HIVEP1: variants seen among roughly 807,000 people sequenced by gnomAD.
HIVEP1 encodes the protein zinc finger protein 40.
In HIVEP1, 36 loss-of-function variants were observed where a neutral mutation model predicts 180.0. The observed-to-expected ratio is 0.20, with a 90% CI of 0.15 to 0.26. The LOEUF (loss-of-function observed/expected upper bound fraction) is 0.26, where lower values mean the gene tolerates loss of function less well. Ranked by LOEUF, HIVEP1 falls within the 10% of genes least tolerant of loss-of-function variation. HIVEP1 has a pLI of 1.00. For synonymous variants in HIVEP1, 1,239 were observed against 1,239.0 expected (o/e 1.00, Z 0.00); for missense variants, 3,143 against 3,268.7 (o/e 0.96, Z 0.94).
At chr6:12,074,024 G>C (rs998263509) in intron 2 of HIVEP1, among the ~76,000 whole-genome samples, 2 of 152,222 alleles carry the variant, frequency 1.3e-5, no homozygotes, top group African/African-American at 2.4e-5. Context: ...CATGAGAGCT[G>C]TACATCACTG....
intron 7 of HIVEP1, among the ~76,000 whole-genome samples, chr6:12,157,919 T>G (rs570232083): frequency 6.6e-6 from 1 of 152,328 alleles, no homozygotes; most frequent in South Asian, 2.1e-4. Flanking sequence ...TTAACAGTTT[T>G]CTTGATATTG....
intron 7 of HIVEP1, among the ~76,000 whole-genome samples, chr6:12,145,354 C>G (rs747794632): frequency 2.6e-5 from 4 of 151,780 alleles, no homozygotes; most frequent in Non-Finnish European, 5.9e-5. Flanking sequence ...AACATCACAC[C>G]CTGGGGCCTG....
chr6:12,127,618 T>A (rs2113551548), intron 4 of HIVEP1, among the ~76,000 whole-genome samples: 1 of 152,160 alleles, frequency 6.6e-6, no homozygotes, highest in Admixed American at 6.5e-5. Context: ...AGTGCATAGG[T>A]GTGATTAATG....
intron 2 of HIVEP1, among the ~76,000 whole-genome samples, chr6:12,054,722 CTTT>C (rs1770752300): frequency 6.6e-6 from 1 of 152,238 alleles, no homozygotes; most frequent in East Asian, 1.9e-4. Flanking sequence ...CGTGGAACCT[CTTT>C]TTTCACTTTT....
chr6:12,077,230 T>C (rs1037989040), intron 2 of HIVEP1, among the ~76,000 whole-genome samples: 1 of 152,168 alleles, frequency 6.6e-6, no homozygotes, highest in African/African-American at 2.4e-5. Flanking sequence ...TTAGTAATAA[T>C]GTGTCATATC....
the HIVEP1 span, among the ~76,000 whole-genome samples, chr6:12,177,130 AAAG>A: frequency 6.6e-6 from 1 of 152,208 alleles, no homozygotes; most frequent in Non-Finnish European, 1.5e-5. Flanking sequence ...TCATGGACAC[AAAG>A]AAGAGAACAG....
At chr6:12,211,105 A>G in the HIVEP1 span, among the ~76,000 whole-genome samples, 1 of 151,620 alleles carries the variant, frequency 6.6e-6, no homozygotes, top group Admixed American at 6.6e-5. Context: ...TCTCTCTTAT[A>G]AGAGTACTTT....
Position 12,161,614 on chromosome 6 carries a change from C to G in HIVEP1, c.6663C>G (p.Ser2221Arg). Residue 2221 changes from serine to arginine, a missense_variant, in exon 8 of 9, where the codon AGC becomes AGG. This residue lies in a region of HIVEP1 where 126 missense variants were observed against 168.5 expected (regional missense o/e 0.75). Transcript: ENST00000379388. ...CGCAGCACCTTCCATCTAGAAGTAG[C>G]CTTCAGGACCCTGTGAGTACTGACG... ...ASPQHLPSRSSLQDPVSTDED... is the reference protein window; with the variant it reads ...ASPQHLPSRSRLQDPVSTDED... 2 of 1,614,088 alleles carry G rather than the reference C, an allele frequency of 1.2e-6. No homozygotes were observed. The highest frequency in any genetic ancestry group is 1.3e-5 in the African/African-American group (1 of 75,032).
At chr6:12,054,205 C>T (rs1426930871) in intron 2 of HIVEP1, among the ~76,000 whole-genome samples, 1 of 152,164 alleles carries the variant, frequency 6.6e-6, no homozygotes, top group Non-Finnish European at 1.5e-5. Context: ...GATGACTCTG[C>T]AAATAATTGG....
At chr6:12,028,113 C>T (rs976821761) in intron 2 of HIVEP1, among the ~76,000 whole-genome samples, 50 of 152,138 alleles carry the variant, frequency 3.3e-4, no homozygotes, top group Admixed American at 2.8e-3. Context: ...GGTGTTAGCA[C>T]GTGGCTCAAA....
chr6:12,018,284 C>G (rs1767967094), intron 2 of HIVEP1, among the ~76,000 whole-genome samples: 1 of 152,214 alleles, frequency 6.6e-6, no homozygotes. Context: ...CACCTCCCTG[C>G]AAGCTGAGGG....
chr6:12,206,169 T>C, the HIVEP1 span, among the ~76,000 whole-genome samples: 1 of 152,190 alleles, frequency 6.6e-6, no homozygotes, highest in East Asian at 1.9e-4. Flanking sequence ...AGTCTCGCTC[T>C]GTCACCCAGG....
the HIVEP1 span, among the ~76,000 whole-genome samples, chr6:12,204,726 T>G: frequency 6.6e-6 from 1 of 152,286 alleles, no homozygotes; most frequent in Middle Eastern, 3.4e-3. Context: ...ATTACAGCAG[T>G]GAATAAACAC....
At chr6:12,106,385 AT>A (rs1286980096) in intron 3 of HIVEP1, among the ~76,000 whole-genome samples, 1 of 151,956 alleles carries the variant, frequency 6.6e-6, no homozygotes, top group Admixed American at 6.6e-5. Flanking sequence ...GTGTTTCTTT[AT>A]TATGTAAGCC....
intron 3 of HIVEP1, among the ~76,000 whole-genome samples, chr6:12,114,632 G>A (rs142849882): frequency 4.6e-5 from 7 of 152,238 alleles, no homozygotes; most frequent in South Asian, 2.1e-4. Context: ...GAATGTGCAC[G>A]TACACTTAAT....
upstream of HIVEP1, among the ~76,000 whole-genome samples, chr6:12,011,593 C>A (rs1297383786): frequency 6.7e-6 from 1 of 149,698 alleles, no homozygotes; most frequent in Non-Finnish European, 1.5e-5. Context: ...GCTGCGCTGC[C>A]ACCTCCTCCC....
chr6:12,139,412 C>T (rs149129339), intron 7 of HIVEP1, among the ~76,000 whole-genome samples: 26 of 152,274 alleles, frequency 1.7e-4, no homozygotes, highest in African/African-American at 6.0e-4. Context: ...CAGTTCCCAG[C>T]GTGATTGACG....
chr6:12,135,080 T>C (rs1278132493), intron 6 of HIVEP1, among the ~76,000 whole-genome samples: 1 of 152,194 alleles, frequency 6.6e-6, no homozygotes, highest in African/African-American at 2.4e-5. Flanking sequence ...AGGCCAGATA[T>C]ATGCCTACAG....
intron 5 of HIVEP1, 42 bp downstream of exon 5, chr6:12,129,934 C>G (rs771987257): frequency 1.6e-5 from 21 of 1,345,832 alleles, no homozygotes; most frequent in Non-Finnish European, 2.1e-5. Flanking sequence ...TTTAAACTGA[C>G]TTTTTAAATG....
Sources: gnomAD v4.1 joint callset for allele counts (sites outside exome capture counted in the v4.1 genomes callset) on GRCh38, gnomAD v4.1.1 for gene constraint, gnomAD v4.1.1 regional missense constraint, MANE v1.5 for transcripts, NCBI Gene and HGNC (gene_info 2026-07-23, HGNC 2026-07-21) for gene names.